DST: variants seen among roughly 807,000 people sequenced by gnomAD.
DST encodes dystonin, also known as bullous pemphigoid antigen.
In DST, 253 loss-of-function variants were observed where a neutral mutation model predicts 875.2. The observed-to-expected ratio is 0.29, with a 90% CI of 0.26 to 0.32. The LOEUF (loss-of-function observed/expected upper bound fraction) is 0.32. Among genes scored for constraint, DST ranks in the 10% least tolerant of loss-of-function variants. The pLI is 1.00. For synonymous variants in DST, 3,124 were observed against 3,197.1 expected, an observed-to-expected ratio of 0.98 and a Z score of 0.77; for missense variants, 8,287 against 9,111.6, an observed-to-expected ratio of 0.91 and a Z score of 3.68.
At chr6:56,494,234 T>A in intron 82 of DST, 54 bp from the exon 83 acceptor site, 1 of 1,504,000 alleles carries the variant, frequency 6.6e-7, no homozygotes, top group South Asian at 1.3e-5. Context: ...AATTTAAGAG[T>A]TCTATTTTTC....
intron 3 of DST, among the ~76,000 whole-genome samples, chr6:56,873,628 T>C (rs1778345011): frequency 6.6e-6 from 1 of 152,148 alleles, no homozygotes; most frequent in Non-Finnish European, 1.5e-5. Flanking sequence ...GAGAAAAATA[T>C]TGCCTGTTCT....
intron 49 of DST, among the ~76,000 whole-genome samples, chr6:56,584,314 T>C (rs1183774713): frequency 6.6e-6 from 1 of 152,098 alleles, no homozygotes; most frequent in Admixed American, 6.6e-5. Context: ...TTCACGTCCC[T>C]TGTAAGTTGG....
intron 52 of DST, 136 bp from the exon 53 acceptor site, chr6:56,572,402 T>G (rs2097792090): frequency 2.7e-5 from 15 of 554,860 alleles, no homozygotes; most frequent in Non-Finnish European, 5.9e-6. Context: ...ATGGCCAGTA[T>G]TCTAAATATA....
At chr6:56,699,123 G>A (rs762372681) in intron 9 of DST, among the ~76,000 whole-genome samples, 1 of 152,158 alleles carries the variant, frequency 6.6e-6, no homozygotes, top group Non-Finnish European at 1.5e-5. Context: ...ATTGGCTCAG[G>A]TTTATTAGAT....
rs752945809 is a variant in DST at position 56,605,678 on chromosome 6, T to C, written c.8950A>G (p.Lys2984Glu). Residue 2984 changes from lysine to glutamate, a missense_variant, in exon 40 of 104, where the codon AAG becomes GAG. By Grantham distance (56) the Lys-to-Glu change is moderately conservative. Around this residue, in one of 10 missense-constraint regions of DST, gnomAD observed 3,138 missense variants for 3,116.6 expected, o/e 1.01. Transcript: ENST00000680361. The part of the protein sequence containing the change: ...DSVKGKDEYF[K>E]NMTPKVDSSL... ...GAGTCAACTTTTGGTGTCATATTCT[T>C]AAAATATTCATCTTTACCTTTCACA... 6.2e-7 allele frequency: 1 copy of C among 1,612,946 alleles called. No homozygotes were observed. The highest frequency in any genetic ancestry group is 2.2e-5 in the East Asian group (1 of 44,842).
intron 4 of DST, among the ~76,000 whole-genome samples, chr6:56,769,343 G>A (rs1341701661): frequency 2.0e-5 from 3 of 152,130 alleles, no homozygotes; most frequent in Non-Finnish European, 4.4e-5. Context: ...AACTGATGGT[G>A]GAAATGCAAA....
intron 3 of DST, among the ~76,000 whole-genome samples, chr6:56,875,561 T>C (rs1358660419): frequency 6.6e-6 from 1 of 152,216 alleles, no homozygotes; most frequent in African/African-American, 2.4e-5. Context: ...CCAAGCTTCT[T>C]ATTTTGGAAT....
At position 56,555,612 on chromosome 6, in the gene DST, T is replaced by C; in HGVS notation, c.14869A>G (p.Arg4957Gly). The C allele has an allele frequency of 6.2e-7, 1 of 1,614,028 alleles. No homozygotes were observed. Among genetic ancestry groups the C allele is most frequent in the Non-Finnish European group, 8.5e-7 (1 of 1,179,886 alleles). ...VKSTQYQSLL[R>G]SLSDKLSDLD... ...TCACTCAGTTTATCAGAAAGGCTTC[T>C]CAGCAGGCTTTGATACTGTGTGCTT... The change falls in exon 60 of 104, where the codon AGA becomes GGA. Residue 4957 changes from arginine (R) to glycine (G), a missense_variant. Coordinates refer to ENST00000680361, the MANE Select transcript of DST (RefSeq NM_001374736.1).
Position 56,605,671 on chromosome 6 carries a change from A to G in DST, c.8957T>C (p.Met2986Thr). Residue 2986 changes from methionine (M) to threonine (T), a missense_variant, in exon 40 of 104, where the codon ATG becomes ACG. Met to Thr is a moderately conservative substitution (Grantham distance 81). Around this residue, in one of 10 missense-constraint regions of DST, gnomAD observed 3,138 missense variants for 3,116.6 expected, o/e 1.01. Transcript: ENST00000680361. ...VKGKDEYFKN[M>T]TPKVDSSLDH... Reference sequence around the variant, plus strand: ...AAGAGATGAGTCAACTTTTGGTGTCATATTCTTAAAATATTCATCTTTACC... The same window carrying G: ...AAGAGATGAGTCAACTTTTGGTGTCGTATTCTTAAAATATTCATCTTTACC... 3 of 1,612,982 alleles carry G rather than the reference A, an allele frequency of 1.9e-6. No individual in the cohort carries two copies. Among genetic ancestry groups the G allele is most frequent in the Non-Finnish European group, 2.5e-6 (3 of 1,179,372 alleles).
chr6:56,693,889 CT>C (rs1400448840), intron 9 of DST, among the ~76,000 whole-genome samples: 1 of 151,730 alleles, frequency 6.6e-6, no homozygotes, highest in Non-Finnish European at 1.5e-5. Flanking sequence ...AAAAATCAAT[CT>C]TTTAAAATAG....
intron 28 of DST, among the ~76,000 whole-genome samples, chr6:56,632,476 C>G (rs916023338): frequency 6.6e-6 from 1 of 152,028 alleles, no homozygotes; most frequent in Non-Finnish European, 1.5e-5. Flanking sequence ...AGAATAAAAT[C>G]TGTATTTAAC....
At chr6:56,901,422 C>T (rs1794009688) in intron 2 of DST, among the ~76,000 whole-genome samples, 1 of 152,162 alleles carries the variant, frequency 6.6e-6, no homozygotes, top group South Asian at 2.1e-4. Flanking sequence ...ATGGCGAAAC[C>T]CTGTCTCTAC....
intron 4 of DST, among the ~76,000 whole-genome samples, chr6:56,827,444 T>C (rs1446542862): frequency 6.9e-6 from 1 of 144,774 alleles, no homozygotes; most frequent in Non-Finnish European, 1.5e-5. Context: ...AAGGCGGAGG[T>C]TGCAGTCACC....
At chr6:56,938,120 A>C (rs1389796192) in intron 2 of DST, among the ~76,000 whole-genome samples, 336 of 144,472 alleles carry the variant, frequency 2.3e-3, no homozygotes, top group East Asian at 4.5e-3. Flanking sequence ...ATATATATAT[A>C]TATATATATA....
At chr6:56,626,500 C>T (rs190443683) in intron 34 of DST, among the ~76,000 whole-genome samples, 8 of 152,162 alleles carry the variant, frequency 5.3e-5, no homozygotes, top group Admixed American at 2.0e-4. Context: ...GTACCATATG[C>T]CTAAGTGTGT....
chr6:56,588,504 C>T (rs1371980625), intron 49 of DST, among the ~76,000 whole-genome samples: 1 of 152,148 alleles, frequency 6.6e-6, no homozygotes, highest in Non-Finnish European at 1.5e-5. Context: ...TCTGTGTCTT[C>T]TATCAAACTA....
At chr6:56,534,229 C>A (rs905177311) in intron 63 of DST, among the ~76,000 whole-genome samples, 62 of 152,128 alleles carry the variant, frequency 4.1e-4, no homozygotes, top group African/African-American at 1.3e-3. Flanking sequence ...TAAAAAATTT[C>A]TTTGAGTTTT....
At chr6:56,576,452 A>G (rs2097864452) in intron 50 of DST, among the ~76,000 whole-genome samples, 1 of 152,170 alleles carries the variant, frequency 6.6e-6, no homozygotes, top group Non-Finnish European at 1.5e-5. Flanking sequence ...GGGCAGCATT[A>G]TGAGACTGAC....
intron 4 of DST, among the ~76,000 whole-genome samples, chr6:56,806,460 T>C (rs1447510972): frequency 6.6e-6 from 1 of 152,232 alleles, no homozygotes; most frequent in Non-Finnish European, 1.5e-5. Context: ...AGGAAAGCTG[T>C]GGCCTAATCA....
Sources: allele counts gnomAD v4.1 joint callset (sites outside exome capture counted in the v4.1 genomes callset), GRCh38; gene constraint gnomAD v4.1.1; regional missense constraint gnomAD v4.1.1; transcripts MANE v1.5; gene names NCBI Gene and HGNC (gene_info 2026-07-23, HGNC 2026-07-21).